Variants in EBF2 observed in about 807,000 individuals in gnomAD.
EBF2 encodes EBF transcription factor 2.
EBF2 carries 21 observed loss-of-function variants against 72.8 expected under a neutral mutation model. That is an observed-to-expected ratio of 0.29 (90% CI 0.20 to 0.42). EBF2 has a LOEUF of 0.42. EBF2 is among the 10% of genes least tolerant of loss of function. EBF2 has a pLI of 1.00. For synonymous variants in EBF2, 299 were observed against 274.2 expected (o/e 1.09, Z -0.89); for missense variants, 637 against 731.2 (o/e 0.87, Z 1.49).
intron 6 of EBF2, among the ~76,000 whole-genome samples, chr8:25,974,357 G>A (rs1324239770): frequency 3.9e-5 from 6 of 152,204 alleles, no homozygotes; most frequent in Admixed American, 3.9e-4. Context: ...ACCATCTCCA[G>A]AAAGTAAGAG....
chr8:25,900,525 G>A (rs1427255695), intron 7 of EBF2, among the ~76,000 whole-genome samples: 1 of 152,080 alleles, frequency 6.6e-6, no homozygotes, highest in Non-Finnish European at 1.5e-5. Context: ...TTGAGGCCAA[G>A]GATGACACGA....
chr8:25,866,693 A>C (rs1279159852), intron 10 of EBF2, among the ~76,000 whole-genome samples: 1 of 145,072 alleles, frequency 6.9e-6, no homozygotes, highest in Non-Finnish European at 1.5e-5. Flanking sequence ...GTGCAATGGC[A>C]TGATCTTGGC....
At chr8:26,022,570 G>A (rs1233390102) in intron 6 of EBF2, among the ~76,000 whole-genome samples, 1 of 152,144 alleles carries the variant, frequency 6.6e-6, no homozygotes, top group African/African-American at 2.4e-5. Flanking sequence ...GTCCCAAAGT[G>A]TTTGTTCCAT....
chr8:25,924,443 C>T (rs896932873), intron 6 of EBF2, among the ~76,000 whole-genome samples: 2 of 152,144 alleles, frequency 1.3e-5, no homozygotes, highest in South Asian at 2.1e-4. Flanking sequence ...ATAAATTACA[C>T]GGAAGGAGGG....
chr8:25,908,944 C>T (rs772131662), intron 6 of EBF2, among the ~76,000 whole-genome samples: 5 of 152,122 alleles, frequency 3.3e-5, no homozygotes, highest in Non-Finnish European at 7.4e-5. Flanking sequence ...GCCCCAGAAT[C>T]CCAGGGCGTC....
At chr8:25,873,771 G>A (rs962961393) in intron 10 of EBF2, among the ~76,000 whole-genome samples, 10 of 152,200 alleles carry the variant, frequency 6.6e-5, no homozygotes, top group African/African-American at 1.9e-4. Context: ...AAAAATTAAA[G>A]ATAAATTTCA....
chr8:25,858,232 A>ACAAATGCAACTTTCTCC, intron 14 of EBF2, 87 bp downstream of exon 14: 1 of 1,517,128 alleles, frequency 6.6e-7, no homozygotes, highest in Non-Finnish European at 9.1e-7. Flanking sequence ...AGGAAGATTT[A>ACAAATGCAACTTTCTCC]CAAATGCAAC....
At chr8:25,996,507 GA>G (rs1249816972) in intron 6 of EBF2, among the ~76,000 whole-genome samples, 2 of 151,228 alleles carry the variant, frequency 1.3e-5, no homozygotes, top group Admixed American at 1.3e-4. Flanking sequence ...ATGATTATCA[GA>G]AAAAAAATTA....
chr8:25,967,716 C>T (rs1804136248), intron 6 of EBF2, among the ~76,000 whole-genome samples: 1 of 152,194 alleles, frequency 6.6e-6, no homozygotes, highest in South Asian at 2.1e-4. Flanking sequence ...CTTACTCTGT[C>T]TCCATGAATG....
At chr8:25,914,041 C>A (rs1376091780) in intron 6 of EBF2, among the ~76,000 whole-genome samples, 1 of 152,196 alleles carries the variant, frequency 6.6e-6, no homozygotes, top group African/African-American at 2.4e-5. Flanking sequence ...GCAGTTGCCT[C>A]TCTTCTTCCA....
intron 10 of EBF2, among the ~76,000 whole-genome samples, chr8:25,872,787 G>A (rs1310698468): frequency 6.6e-6 from 1 of 152,218 alleles, no homozygotes; most frequent in East Asian, 1.9e-4. Flanking sequence ...GGCAATGGAA[G>A]AGAAAACATG....
At chr8:25,890,608 A>G (rs960251504) in intron 7 of EBF2, among the ~76,000 whole-genome samples, 1 of 152,180 alleles carries the variant, frequency 6.6e-6, no homozygotes, top group South Asian at 2.1e-4. Context: ...TGTAAGATAT[A>G]AATAACAATG....
At chr8:26,042,612 G>C (rs533649872) in intron 1 of EBF2, among the ~76,000 whole-genome samples, 15 of 152,324 alleles carry the variant, frequency 9.8e-5, no homozygotes, top group Admixed American at 1.3e-4. Flanking sequence ...ATACCGTGGG[G>C]CTGTCTCCAT....
rs774187788 is a variant in EBF2, at chr8:25,842,018, GAGA to G, written c.*2588_*2590del. The G allele has an allele frequency of 1.3e-5, 2 of 152,096 alleles. No homozygotes were observed. The highest frequency in any genetic ancestry group is 4.8e-5 in the African/African-American group (2 of 41,416). 9.4% of individuals were successfully genotyped at this position (152,096 alleles called of 1,614,324 possible). A position where few individuals can be genotyped will look rare whatever the true frequency, so the allele number is the denominator to read the frequency against. On this transcript the variant is annotated 3_prime_UTR_variant, in exon 16 of 16. Transcript: ENST00000520164. ...ATATTGAAATGTGCAAAGAAAAACT[GAGA>G]AGAATTACAACGCTATAACAAAAGA...
chr8:25,887,773 G>T, intron 9 of EBF2, 69 bp downstream of exon 9: 4 of 1,445,084 alleles, frequency 2.8e-6, no homozygotes, highest in Non-Finnish European at 3.7e-6. Context: ...TGGTGTTTGT[G>T]CTAGTTTCCC....
At chr8:26,006,681 G>A (rs1242687033) in intron 6 of EBF2, among the ~76,000 whole-genome samples, 1 of 152,152 alleles carries the variant, frequency 6.6e-6, no homozygotes, top group African/African-American at 2.4e-5. Flanking sequence ...AAAATCAGAA[G>A]CCCACTAGCT....
intron 6 of EBF2, among the ~76,000 whole-genome samples, chr8:26,020,418 G>T (rs1289930001): frequency 6.6e-6 from 1 of 152,226 alleles, no homozygotes; most frequent in Non-Finnish European, 1.5e-5. Context: ...GACACCTACA[G>T]TGAAACCAGC....
chr8:26,028,050 G>T (rs1805329746), intron 6 of EBF2, among the ~76,000 whole-genome samples: 1 of 152,134 alleles, frequency 6.6e-6, no homozygotes, highest in African/African-American at 2.4e-5. Context: ...GGTGGTGATA[G>T]TTGCACAACA....
chr8:26,018,931 TAAAAA>T (rs1176680985), intron 6 of EBF2, among the ~76,000 whole-genome samples: 10 of 107,560 alleles, frequency 9.3e-5, no homozygotes, highest in Non-Finnish European at 9.1e-5. Context: ...TCCATGGCAA[TAAAAA>T]AAAAAAAAAA....
Sources: gnomAD v4.1 joint callset for allele counts (sites outside exome capture counted in the v4.1 genomes callset) on GRCh38, gnomAD v4.1.1 for gene constraint, MANE v1.5 for transcripts, NCBI Gene and HGNC (gene_info 2026-07-23, HGNC 2026-07-21) for gene names.